HDAC9: variants seen among roughly 807,000 people sequenced by gnomAD.
HDAC9 encodes the protein histone deacetylase 9.
A neutral mutation model predicts 139.4 loss-of-function variants in HDAC9; 41 were observed. The observed-to-expected ratio is 0.29, with a 90% confidence interval of 0.23 to 0.38. The LOEUF is 0.38. HDAC9 is among the 10% of genes least tolerant of loss of function. The pLI, the probability that HDAC9 is intolerant of heterozygous loss-of-function variation, is 1.00. For missense variants in HDAC9, 1,147 were observed against 1,297.0 expected, an observed-to-expected ratio of 0.88 and a Z score of 1.78; for synonymous variants, 517 against 476.2, an observed-to-expected ratio of 1.09 and a Z score of -1.12.
intron 19 of HDAC9, among the ~76,000 whole-genome samples, chr7:18,833,309 T>G (rs905817318): frequency 1.3e-5 from 2 of 152,212 alleles, no homozygotes; most frequent in Admixed American, 1.3e-4. Flanking sequence ...TGAGAGAACA[T>G]ATCATTTTAT....
intron 2 of HDAC9, among the ~76,000 whole-genome samples, chr7:18,189,795 A>G (rs775258682): frequency 1.3e-5 from 2 of 152,184 alleles, no homozygotes; most frequent in African/African-American, 2.4e-5. Flanking sequence ...AAACCCAAAG[A>G]CACATTAATT....
intron 17 of HDAC9, among the ~76,000 whole-genome samples, chr7:18,795,975 AG>A (rs749710564): frequency 6.6e-6 from 1 of 152,220 alleles, no homozygotes; most frequent in Non-Finnish European, 1.5e-5. Context: ...AAATGTGAAA[AG>A]AAAAGACTTG....
intron 1 of HDAC9, among the ~76,000 whole-genome samples, chr7:18,097,991 TG>T (rs1782618153): frequency 6.6e-6 from 1 of 152,232 alleles, no homozygotes; most frequent in Non-Finnish European, 1.5e-5. Context: ...TATTATAATC[TG>T]AAAAATGTCT....
chr7:18,209,795 G>T (rs1389295628), intron 2 of HDAC9, among the ~76,000 whole-genome samples: 2 of 151,930 alleles, frequency 1.3e-5, no homozygotes, highest in African/African-American at 4.8e-5. Context: ...CCGCCTCCCA[G>T]TTTCACGCCA....
At chr7:18,447,633 A>G (rs1005375465) in intron 1 of HDAC9, among the ~76,000 whole-genome samples, 1 of 152,238 alleles carries the variant, frequency 6.6e-6, no homozygotes, top group African/African-American at 2.4e-5. Flanking sequence ...AATACCTAAA[A>G]CATCTGTATT....
At chr7:18,298,609 T>A (rs2128228412) in intron 1 of HDAC9, among the ~76,000 whole-genome samples, 1 of 152,340 alleles carries the variant, frequency 6.6e-6, no homozygotes, top group South Asian at 2.1e-4. Context: ...ACAAAGGACA[T>A]GAACTCATCA....
At chr7:18,957,799 C>T (rs1440555573) in intron 24 of HDAC9, among the ~76,000 whole-genome samples, 1 of 152,108 alleles carries the variant, frequency 6.6e-6, no homozygotes, top group African/African-American at 2.4e-5. Context: ...TGCCTCCTTT[C>T]AACTTTAGGG....
At chr7:18,700,387 A>G (rs1210246165) in intron 12 of HDAC9, among the ~76,000 whole-genome samples, 5 of 152,186 alleles carry the variant, frequency 3.3e-5, no homozygotes, top group African/African-American at 7.2e-5. Flanking sequence ...AACGGTGACA[A>G]TGCGACTGCC....
chr7:18,235,396 G>A (rs1793750053), intron 2 of HDAC9, among the ~76,000 whole-genome samples: 1 of 152,046 alleles, frequency 6.6e-6, no homozygotes, highest in South Asian at 2.1e-4. Flanking sequence ...GTTTTGATTT[G>A]TAGCATTTGT....
chr7:18,641,318 C>G (rs1358353829), intron 8 of HDAC9, among the ~76,000 whole-genome samples: 1 of 151,994 alleles, frequency 6.6e-6, no homozygotes, highest in Non-Finnish European at 1.5e-5. Flanking sequence ...CACCCCTACC[C>G]CAGCACTTGG....
At chr7:18,548,059 C>G (rs1815758961) in intron 2 of HDAC9, among the ~76,000 whole-genome samples, 1 of 151,926 alleles carries the variant, frequency 6.6e-6, no homozygotes, top group African/African-American at 2.4e-5. Context: ...ATGTGCAACT[C>G]TTTCTCTTTC....
At chr7:18,894,951 T>C (rs1370665854) in intron 22 of HDAC9, among the ~76,000 whole-genome samples, 7 of 152,054 alleles carry the variant, frequency 4.6e-5, no homozygotes, top group African/African-American at 1.4e-4. Flanking sequence ...GTGGGAGATA[T>C]ATGAAGTGTG....
intron 2 of HDAC9, among the ~76,000 whole-genome samples, chr7:18,578,657 G>A (rs772082171): frequency 2.6e-5 from 4 of 152,202 alleles, no homozygotes; most frequent in Non-Finnish European, 4.4e-5. Flanking sequence ...AGTGGCGCTA[G>A]CATCCTTGAA....
chr7:18,253,347 C>G (rs1469396147), intron 2 of HDAC9, among the ~76,000 whole-genome samples: 1 of 65,028 alleles, frequency 1.5e-5, no homozygotes, highest in Non-Finnish European at 3.1e-5. Context: ...CCAGAGTGGT[C>G]AAACTAATTT....
intron 2 of HDAC9, among the ~76,000 whole-genome samples, chr7:18,235,851 C>G (rs1236367900): frequency 1.3e-5 from 2 of 152,098 alleles, no homozygotes; most frequent in African/African-American, 4.8e-5. Context: ...TATACTGGAT[C>G]AATACTATGT....
rs546070105 is a variant in HDAC9 at position 18,323,842 on chromosome 7, T to C, written c.-42+33327T>C. On this transcript the variant is annotated intron_variant, in intron 1 of 3. Coordinates refer to the HDAC9 transcript ENST00000413509. ...ACTTGACTTTAACAACATACAGTTATTCTCACAGTTGTGGAGCTTGGGAAG... is the reference window on the plus strand; with the variant it reads ...ACTTGACTTTAACAACATACAGTTACTCTCACAGTTGTGGAGCTTGGGAAG... Among the ~76,000 whole-genome samples the C allele has an allele frequency of 2.6e-5, 4 of 152,146 alleles. No individual in the cohort carries two copies. In the South Asian group the frequency reaches 8.3e-4, roughly 32 times the overall value.
intron 1 of HDAC9, among the ~76,000 whole-genome samples, chr7:18,487,764 A>G (rs780042618): frequency 2.0e-5 from 3 of 152,106 alleles, no homozygotes; most frequent in Non-Finnish European, 4.4e-5. Context: ...TTCAGAGGCT[A>G]GCTTTCTAGA....
chr7:18,584,731 A>T (rs185518641), intron 2 of HDAC9, among the ~76,000 whole-genome samples: 1 of 152,246 alleles, frequency 6.6e-6, no homozygotes, highest in East Asian at 1.9e-4. Context: ...GTTAATTACC[A>T]TTTTCCACAT....
chr7:19,001,604 T>C lies in HDAC9; in HGVS notation c.*5542T>C, dbSNP rs1786754557. ...GCAAAATCTGAAGTGGAATGGCACTTCCTTGGGTATGTAAGGGTTGTTTTT... is the reference window on the plus strand; with the variant it reads ...GCAAAATCTGAAGTGGAATGGCACTCCCTTGGGTATGTAAGGGTTGTTTTT... On this transcript the variant is annotated 3_prime_UTR_variant, in exon 26 of 26. Transcript: ENST00000686413. The C allele has an allele frequency of 6.6e-6, 1 of 151,882 alleles. No homozygotes were observed. Among genetic ancestry groups the C allele is most frequent in the African/African-American group, 2.4e-5 (1 of 41,382 alleles). 9.4% of individuals were successfully genotyped at this position (151,882 alleles called of 1,614,324 possible). A position where few individuals can be genotyped will look rare whatever the true frequency, so the allele number is the denominator to read the frequency against.
Sources: gnomAD v4.1 joint callset for allele counts (sites outside exome capture counted in the v4.1 genomes callset) on GRCh38, gnomAD v4.1.1 for gene constraint, MANE v1.5 for transcripts, NCBI Gene and HGNC (gene_info 2026-07-23, HGNC 2026-07-21) for gene names.